IL1RAPL2: variants seen among roughly 807,000 people sequenced by gnomAD.
The protein encoded by IL1RAPL2 is X-linked interleukin-1 receptor accessory protein-like 2.
In IL1RAPL2, 3 loss-of-function variants were observed where a neutral mutation model predicts 44.1. The ratio of observed to expected loss-of-function variants is 0.07; its 90% CI spans 0.03 to 0.18. The LOEUF (loss-of-function observed/expected upper bound fraction) is 0.18. Ranked by LOEUF, IL1RAPL2 falls within the 10% of genes least tolerant of loss-of-function variation. IL1RAPL2 has a pLI of 1.00. For missense variants in IL1RAPL2, 391 were observed against 496.4 expected (o/e 0.79, Z 2.02); for synonymous variants, 181 against 178.8 (o/e 1.01, Z -0.10).
Position 105,650,478 on chromosome X carries a change from C to A in IL1RAPL2, c.773-66889C>A, listed in dbSNP as rs777765288. 4.6e-4 allele frequency among the ~76,000 whole-genome samples: 51 copies of A among 111,857 alleles called. 1 individual carries two copies. The highest frequency in any genetic ancestry group is 6.4e-4 in the Non-Finnish European group (34 of 53,176). On this transcript the variant is annotated intron_variant, in intron 6 of 10. Coordinates refer to ENST00000372582, the MANE Select transcript of IL1RAPL2 (RefSeq NM_017416.2). Reference sequence around the variant, plus strand: ...CATATTCTTCAAATTTTTACCAAATCAAATTGGTGGGGCTGGGGAAAATGC... The same window carrying A: ...CATATTCTTCAAATTTTTACCAAATAAAATTGGTGGGGCTGGGGAAAATGC...
chrX:105,363,162 A>G (rs1405627764), intron 5 of IL1RAPL2, among the ~76,000 whole-genome samples: 1 of 105,710 alleles, frequency 9.5e-6, no homozygotes, highest in Admixed American at 1.1e-4. Context: ...AATACCCTCC[A>G]GATTAATCTA....
Position 104,765,300 on chromosome X carries a change from T to C in IL1RAPL2, c.82+106305T>C, listed in dbSNP as rs146859709. ...CCTGGTTCAATCTTGGTAGGTTGTA[T>C]GTATCTAGGGATTTGTCCATTTCTT... is the stretch of plus-strand genomic sequence containing the variant. On this transcript the variant is annotated intron_variant, in intron 2 of 10. Coordinates refer to ENST00000372582, the MANE Select transcript of IL1RAPL2 (RefSeq NM_017416.2). Among the ~76,000 whole-genome samples, 721 of 112,040 alleles carry C rather than the reference T, an allele frequency of 6.4e-3. 3 individuals are homozygous for C. Among genetic ancestry groups the C allele is most frequent in the African/African-American group, 0.022 (689 of 30,893 alleles).
intron 5 of IL1RAPL2, among the ~76,000 whole-genome samples, chrX:105,417,286 G>A (rs991553120): frequency 4.5e-5 from 5 of 111,769 alleles, no homozygotes; most frequent in African/African-American, 1.3e-4. Flanking sequence ...CAGCCTGGCC[G>A]ACATGGTGAA....
At chrX:104,682,115 T>A (rs1930899056) in intron 2 of IL1RAPL2, among the ~76,000 whole-genome samples, 1 of 112,456 alleles carries the variant, frequency 8.9e-6, no homozygotes, top group South Asian at 3.7e-4. Flanking sequence ...GAGTGTGATT[T>A]GCTTCTTTAA....
intron 2 of IL1RAPL2, among the ~76,000 whole-genome samples, chrX:104,690,442 C>G (rs1404061254): frequency 8.9e-6 from 1 of 112,208 alleles, no homozygotes; most frequent in East Asian, 2.8e-4. Context: ...TCAAACAGGA[C>G]AATGCATATG....
intron 2 of IL1RAPL2, among the ~76,000 whole-genome samples, chrX:104,835,115 A>T (rs916827274): frequency 8.9e-6 from 1 of 111,874 alleles, no homozygotes; most frequent in African/African-American, 3.2e-5. Flanking sequence ...TCATTCTATA[A>T]ATATACTTTT....
intron 2 of IL1RAPL2, among the ~76,000 whole-genome samples, chrX:104,698,933 C>T (rs752723946): frequency 1.2e-4 from 13 of 111,466 alleles, no homozygotes; most frequent in African/African-American, 4.2e-4. Flanking sequence ...AGTGAGATGA[C>T]AATCTCTCTC....
rs780511435 is a variant in IL1RAPL2 at position 104,971,022 on chromosome X, G to T, written c.83-224453G>T. 3.6e-5 allele frequency among the ~76,000 whole-genome samples: 4 copies of T among 111,816 alleles called. No individual in the cohort carries two copies. In the East Asian group the frequency reaches 8.4e-4, roughly 24 times the overall value. On this transcript the variant is annotated intron_variant, in intron 2 of 10. Coordinates refer to ENST00000372582, the MANE Select transcript of IL1RAPL2 (RefSeq NM_017416.2). ...TTATTAAGAAGTTAAGCAAACAAAG[G>T]CCAAAGATTAGTAATAACAAGACAG...
intron 2 of IL1RAPL2, among the ~76,000 whole-genome samples, chrX:104,660,969 C>A: frequency 9.1e-6 from 1 of 109,574 alleles, no homozygotes; most frequent in East Asian, 2.9e-4. Flanking sequence ...CACACACATA[C>A]ACACACACAT....
intron 2 of IL1RAPL2, among the ~76,000 whole-genome samples, chrX:104,691,803 T>C (rs1181716806): frequency 9.0e-6 from 1 of 111,684 alleles, no homozygotes; most frequent in East Asian, 2.8e-4. Context: ...GATCTTGGCA[T>C]CTGACTTTTT....
At chrX:104,981,222 T>G (rs913111553) in intron 2 of IL1RAPL2, among the ~76,000 whole-genome samples, 2 of 110,014 alleles carry the variant, frequency 1.8e-5, no homozygotes, top group Non-Finnish European at 1.9e-5. Flanking sequence ...TACAGATAAT[T>G]TTGTGACCCA....
At chrX:105,199,561 A>G (rs2033699511) in intron 3 of IL1RAPL2, among the ~76,000 whole-genome samples, 2 of 111,308 alleles carry the variant, frequency 1.8e-5, no homozygotes, top group East Asian at 5.7e-4. Context: ...GTGAAGGAGT[A>G]CTTTAGGGAT....
chrX:105,360,087 G>C (rs1187794409), intron 5 of IL1RAPL2, among the ~76,000 whole-genome samples: 1 of 110,641 alleles, frequency 9.0e-6, no homozygotes, highest in Non-Finnish European at 1.9e-5. Flanking sequence ...ACATGGTTGT[G>C]TGCTATTACT....
At chrX:105,093,124 C>T (rs1451401785) in intron 2 of IL1RAPL2, among the ~76,000 whole-genome samples, 1 of 109,279 alleles carries the variant, frequency 9.2e-6, no homozygotes, top group Non-Finnish European at 1.9e-5. Context: ...TTCCACTCTA[C>T]CAACCTCCCC....
Position 105,468,235 on chromosome X carries a change from C to T in IL1RAPL2, c.698-16078C>T, listed in dbSNP as rs947227154. On this transcript the variant is annotated intron_variant, in intron 5 of 10. Transcript: ENST00000372582. ...TGGTGGAAGAGAAAATGGTATGAAA[C>T]ATCTTGTGTGGAAGATTTTTATGGG... 5.0e-4 allele frequency among the ~76,000 whole-genome samples: 56 copies of T among 111,726 alleles called. 1 individual carries two copies. The highest frequency in any genetic ancestry group is 1.3e-4 in the Non-Finnish European group (7 of 53,119).
intron 6 of IL1RAPL2, among the ~76,000 whole-genome samples, chrX:105,648,874 A>C (rs2037624721): frequency 9.0e-6 from 1 of 111,345 alleles, no homozygotes; most frequent in Non-Finnish European, 1.9e-5. Context: ...TTACCAGTGC[A>C]CTCAATCCCA....
rs185806651 is a variant in IL1RAPL2, at chrX:105,680,353, G to A, written c.773-37014G>A. ...ACGTCCTAAAGTCCCTGGCTTGCCA[G>A]GAAGTGACCTTCCTTACTCATCTGT... On this transcript the variant is annotated intron_variant, in intron 6 of 10. Transcript: ENST00000372582. 4.1e-4 allele frequency among the ~76,000 whole-genome samples: 46 copies of A among 112,124 alleles called. No homozygotes were observed. The Admixed American group carries it at 4.2e-3, about 10-fold the overall frequency.
intron 5 of IL1RAPL2, among the ~76,000 whole-genome samples, chrX:105,394,841 T>G (rs1304760122): frequency 9.1e-6 from 1 of 110,042 alleles, no homozygotes; most frequent in Non-Finnish European, 1.9e-5. Flanking sequence ...ACATGTGATG[T>G]TTTTTCTCCT....
chrX:104,733,286 T>C (rs906086738), intron 2 of IL1RAPL2, among the ~76,000 whole-genome samples: 1 of 111,358 alleles, frequency 9.0e-6, no homozygotes, highest in Admixed American at 9.6e-5. Context: ...ATTGTCTTGA[T>C]ATAAATTTAA....
Sources: gnomAD v4.1 joint callset for allele counts (sites outside exome capture counted in the v4.1 genomes callset) on GRCh38, gnomAD v4.1.1 for gene constraint, MANE v1.5 for transcripts, NCBI Gene and HGNC (gene_info 2026-07-23, HGNC 2026-07-21) for gene names.